The following CCDC125 variants were observed in gnomAD, a reference collection of about 807,000 sequenced individuals.
The protein encoded by CCDC125 is coiled-coil domain-containing protein 125.
In CCDC125, 43 loss-of-function variants were observed where a neutral mutation model predicts 57.4. The ratio of observed to expected loss-of-function variants is 0.75; its 90% confidence interval spans 0.59 to 0.97. The LOEUF is 0.97. CCDC125 is among the 50% of genes least tolerant of loss of function. The pLI is 0.00. For synonymous variants in CCDC125, 187 were observed against 195.2 expected, an observed-to-expected ratio of 0.96 and a Z score of 0.35; for missense variants, 563 against 595.7, an observed-to-expected ratio of 0.95 and a Z score of 0.57.
rs577921510 is a variant in CCDC125, at chr5:69,314,039, C to G, written c.312G>C (p.Ser104=). The change falls in exon 3 of 12, where the codon TCG becomes TCC. Residue 104 remains serine (S), a synonymous_variant. Coordinates refer to ENST00000396496, the MANE Select transcript of CCDC125 (RefSeq NM_176816.5). ...NYRRQSSTVD[S]NSELSNEELR... is the part of the protein sequence containing the mutation. ...ATTCTTCATTTGACAATTCTGAATT[C>G]GAATCTACTTGGGAGGGAGGAGAAA... The G allele has an allele frequency of 1.2e-6, 2 of 1,607,504 alleles. No homozygotes were observed. The highest frequency in any genetic ancestry group is 1.7e-6 in the Non-Finnish European group (2 of 1,174,258).
At chr5:69,273,295 C>T in the CCDC125 span, among the ~76,000 whole-genome samples, 37 of 150,930 alleles carry the variant, frequency 2.5e-4, no homozygotes, top group South Asian at 8.4e-4. Context: ...AAATACATGT[C>T]TATTTCACAT....
At chr5:69,286,377 G>T (rs966608956) in intron 10 of CCDC125, among the ~76,000 whole-genome samples, 1 of 150,466 alleles carries the variant, frequency 6.6e-6, no homozygotes, top group Non-Finnish European at 1.5e-5. Context: ...GACTACAGGC[G>T]CCCGCCACCA....
intron 8 of CCDC125, 23 bp from the exon 9 acceptor site, chr5:69,294,923 C>T: frequency 6.3e-7 from 1 of 1,595,842 alleles, no homozygotes; most frequent in Non-Finnish European, 8.6e-7. Context: ...AAGCATTGCT[C>T]CTGTTATTAA....
At chr5:69,283,787 T>TGAC (rs1752845688) in intron 11 of CCDC125, among the ~76,000 whole-genome samples, 1 of 130,110 alleles carries the variant, frequency 7.7e-6, no homozygotes, top group Non-Finnish European at 1.6e-5. Flanking sequence ...CATGCCAGGC[T>TGAC]GACAATTTTT....
rs145294117 is a variant in CCDC125, at chr5:69,292,349, T to C, written c.938A>G (p.Gln313Arg). 3.7e-6 allele frequency: 6 copies of C among 1,611,448 alleles called. No individual in the cohort carries two copies. In the African/African-American group the frequency reaches 8.0e-5, roughly 22 times the overall value. ...CACGTAAGCTTCTTCTTTACTCTTC[T>C]GCAAAATTTCCAACTGATTTTGAAA... The part of the protein sequence containing the change: ...LQLKQELEIL[Q>R]KSKEEAYVMA... Residue 313 changes from glutamine (Q) to arginine (R), a missense_variant, in exon 10 of 12, where the codon CAG (glutamine) becomes CGG (arginine). Transcript: ENST00000396496.
At position 69,303,914 on chromosome 5, in the gene CCDC125, AT is replaced by A; in HGVS notation, c.632del (p.Asn211MetfsTer8). 1 of 1,604,236 alleles carries A rather than the reference AT, an allele frequency of 6.2e-7. No homozygotes were observed. Among genetic ancestry groups the A allele is most frequent in the Non-Finnish European group, 8.5e-7 (1 of 1,175,764 alleles). On this transcript the variant is annotated frameshift_variant, in exon 7 of 12. Coordinates refer to ENST00000396496, the MANE Select transcript of CCDC125 (RefSeq NM_176816.5). LOFTEE classifies it high-confidence loss of function. ...CTTTCAAATTCTCTTTGAGGACTGCATTTTCACAGTTTAGCCTGGAAAAAAG... is the reference window on the plus strand; with the variant it reads ...CTTTCAAATTCTCTTTGAGGACTGCATTTCACAGTTTAGCCTGGAAAAAAG... ...IQKYDRLNCE[N>X]AVLKENLKVK...
At chr5:69,325,446 C>A (rs1437009415) in intron 1 of CCDC125, among the ~76,000 whole-genome samples, 1 of 151,764 alleles carries the variant, frequency 6.6e-6, no homozygotes, top group Non-Finnish European at 1.5e-5. Context: ...CAAGAAAATA[C>A]CATTATTAAG....
chr5:69,326,724 T>G (rs1427689164), intron 1 of CCDC125, among the ~76,000 whole-genome samples: 3 of 152,326 alleles, frequency 2.0e-5, no homozygotes, highest in South Asian at 4.1e-4. Context: ...GTTGTTGTTT[T>G]GTTTGTTTTT....
At chr5:69,284,035 C>T (rs973284104) in intron 11 of CCDC125, among the ~76,000 whole-genome samples, 4 of 151,814 alleles carry the variant, frequency 2.6e-5, no homozygotes, top group Non-Finnish European at 4.4e-5. Flanking sequence ...ATGATCCACC[C>T]GCCTCGGCTT....
chr5:69,288,544 C>G (rs1163569606), intron 10 of CCDC125, among the ~76,000 whole-genome samples: 1 of 152,180 alleles, frequency 6.6e-6, no homozygotes, highest in Admixed American at 6.5e-5. Context: ...GTGCCTTGCC[C>G]TGTCCATCTC....
chr5:69,287,125 A>T (rs1753633353), intron 10 of CCDC125, among the ~76,000 whole-genome samples: 1 of 152,186 alleles, frequency 6.6e-6, no homozygotes, highest in African/African-American at 2.4e-5. Flanking sequence ...TACTAAACAT[A>T]AAATAATCTG....
chr5:69,304,042 C>A, intron 6 of CCDC125, 113 bp from the exon 7 acceptor site: 3 of 584,016 alleles, frequency 5.1e-6, no homozygotes, highest in South Asian at 2.4e-5. Flanking sequence ...TTTCCTACTT[C>A]AAAATAGTCT....
chr5:69,327,797 T>A (rs1264297464), intron 1 of CCDC125, among the ~76,000 whole-genome samples: 13 of 152,252 alleles, frequency 8.5e-5, no homozygotes, highest in Non-Finnish European at 4.4e-5. Flanking sequence ...TCTTCAATTG[T>A]CAATTTAGGG....
downstream of CCDC125, among the ~76,000 whole-genome samples, chr5:69,278,922 A>G (rs1752332973): frequency 6.7e-6 from 1 of 149,568 alleles, no homozygotes; most frequent in Non-Finnish European, 1.5e-5. Flanking sequence ...GCTGGAGTGC[A>G]GTGGTGCAAT....
intron 1 of CCDC125, among the ~76,000 whole-genome samples, chr5:69,321,839 C>CT (rs5868576): frequency 7.3e-5 from 11 of 150,052 alleles, no homozygotes; most frequent in African/African-American, 1.5e-4. Context: ...TTTCAGAACT[C>CT]TTTTTTTTTT....
At chr5:69,325,811 A>C (rs1376302838) in intron 1 of CCDC125, among the ~76,000 whole-genome samples, 12 of 136,384 alleles carry the variant, frequency 8.8e-5, no homozygotes, top group Non-Finnish European at 1.5e-5. Flanking sequence ...GTGAAAAAGC[A>C]AAACCCTCTG....
intron 9 of CCDC125, among the ~76,000 whole-genome samples, chr5:69,293,647 C>A (rs867111690): frequency 7.1e-4 from 93 of 131,492 alleles, no homozygotes; most frequent in Non-Finnish European, 6.6e-4. Context: ...GAATCCGTCT[C>A]AAAAAAAAAA....
rs760527388 is a variant in CCDC125, at chr5:69,306,848, T to C, written c.586A>G (p.Ile196Val). 4.0e-6 allele frequency: 6 copies of C among 1,516,174 alleles called. No individual in the cohort carries two copies. Among genetic ancestry groups the C allele is most frequent in the East Asian group, 4.9e-5 (2 of 40,740 alleles). 93.9% of individuals were successfully genotyped at this position (1,516,174 alleles called of 1,614,324 possible). ...TATTTTTGGATCCAAGATTCCTCTA[T>C]ATTTTTAAATCTATTATGATCAAAT... ...IEFDHNRFKN[I>V]EESWIQKYDR... The change falls in exon 6 of 12, where the codon ATA (isoleucine) becomes GTA (valine). Residue 196 changes from isoleucine (I) to valine (V), a missense_variant. By Grantham distance (29) the Ile-to-Val change is conservative. Coordinates refer to ENST00000396496, the MANE Select transcript of CCDC125 (RefSeq NM_176816.5).
intron 10 of CCDC125, among the ~76,000 whole-genome samples, chr5:69,288,806 C>T (rs993132915): frequency 1.3e-5 from 2 of 152,148 alleles, no homozygotes; most frequent in African/African-American, 4.8e-5. Flanking sequence ...GACTCTAACT[C>T]CAGGTAGACA....
Sources: allele counts gnomAD v4.1 joint callset (sites outside exome capture counted in the v4.1 genomes callset), GRCh38; gene constraint gnomAD v4.1.1; transcripts MANE v1.5; gene names NCBI Gene and HGNC (gene_info 2026-07-23, HGNC 2026-07-21).